The following PIH1D1 variants were observed in gnomAD, a reference collection of about 807,000 sequenced individuals.
The protein encoded by PIH1D1 is PIH1 domain containing 1, also known as PIH1 domain-containing protein 1.
A neutral mutation model predicts 38.5 loss-of-function variants in PIH1D1; 28 were observed. That is an observed-to-expected ratio of 0.73 (90% CI 0.54 to 1.00). The LOEUF (loss-of-function observed/expected upper bound fraction) is 1.00, where lower values mean the gene tolerates loss of function less well. Among genes scored for constraint, PIH1D1 ranks in the 50% least tolerant of loss-of-function variants. The pLI, the probability that PIH1D1 is intolerant of heterozygous loss-of-function variation, is 0.00. For missense variants in PIH1D1, 343 were observed against 369.9 expected, an observed-to-expected ratio of 0.93 and a Z score of 0.60; for synonymous variants, 155 against 153.5, an observed-to-expected ratio of 1.01 and a Z score of -0.07.
At chr19:49,447,298 G>A (rs1400698753) in intron 6 of PIH1D1, 40 bp downstream of exon 6, 4 of 1,611,122 alleles carry the variant, frequency 2.5e-6, no homozygotes, top group Non-Finnish European at 8.5e-7. Flanking sequence ...TCCCAAGAGC[G>A]TTGAGGAAAC....
At chr19:49,448,200 C>T in intron 3 of PIH1D1, 138 bp from the exon 4 acceptor site, 1 of 829,300 alleles carries the variant, frequency 1.2e-6, no homozygotes, top group Non-Finnish European at 2.0e-6. Flanking sequence ...GAGCTGGGCA[C>T]TCACTTTCCG....
intron 6 of PIH1D1, 46 bp downstream of exon 6, chr19:49,447,292 A>G (rs1453776245): frequency 6.2e-7 from 1 of 1,608,672 alleles, no homozygotes; most frequent in Non-Finnish European, 8.5e-7. Context: ...AGGGATTCCC[A>G]AGAGCGTTGA....
chr19:49,450,741 C>T (rs764727312), intron 2 of PIH1D1, 41 bp downstream of exon 2: 1 of 1,521,392 alleles, frequency 6.6e-7, no homozygotes, highest in South Asian at 1.2e-5. Context: ...CTGTCCTCTC[C>T]CTGGGTCTCC....
At chr19:49,451,249 T>C in intron 1 of PIH1D1, 1 of 531,440 alleles carries the variant, frequency 1.9e-6, no homozygotes, top group South Asian at 2.1e-5. Context: ...CAGGATGGTC[T>C]CGATCTCCTG....
chr19:49,447,966 C>A lies in PIH1D1; in HGVS notation c.399+35G>T, dbSNP rs1404431419. The A allele has an allele frequency of 1.9e-6, 3 of 1,613,910 alleles. No homozygotes were observed. In the African/African-American group the frequency reaches 4.0e-5, roughly 22 times the overall value. ...GGCGGGGAGGGTAGGGGTAGAGACCCCTGCCCAGGCCTCAACCGCAGCCCC... is the reference window on the plus strand; with the variant it reads ...GGCGGGGAGGGTAGGGGTAGAGACCACTGCCCAGGCCTCAACCGCAGCCCC... On this transcript the variant is annotated intron_variant, in intron 4 of 8. Transcript: ENST00000262265.
chr19:49,446,770 C>T (rs752086446), intron 7 of PIH1D1, 76 bp from the exon 8 acceptor site: 4 of 1,414,392 alleles, frequency 2.8e-6, no homozygotes, highest in Non-Finnish European at 2.9e-6. Flanking sequence ...TAGCCTCACA[C>T]GCTGGGAAAC....
At position 49,446,428 on chromosome 19, in the gene PIH1D1, G is replaced by A. The variant is rs745539415; in HGVS notation, c.832-5C>T. On this transcript the variant is annotated splice_polypyrimidine_tract_variant and splice_region_variant and intron_variant, in intron 8 of 8. Coordinates refer to ENST00000262265, the MANE Select transcript of PIH1D1 (RefSeq NM_017916.3). The stretch of plus-strand genomic sequence containing the variant: ...CGGCATGGCCACCATTAATTGCTGA[G>A]GAGACAGAGCAAAGAGAATGAGGAT... The A allele has an allele frequency of 3.8e-6, 4 of 1,044,698 alleles. No individual in the cohort carries two copies. The highest frequency in any genetic ancestry group is 6.1e-6 in the Non-Finnish European group (4 of 659,506). 64.7% of individuals were successfully genotyped at this position (1,044,698 alleles called of 1,614,324 possible). A position where few individuals can be genotyped will look rare whatever the true frequency, so the allele number is the denominator to read the frequency against.
At chr19:49,450,691 C>CCCCCCCCA in intron 2 of PIH1D1, 91 bp downstream of exon 2, 2 of 718,202 alleles carry the variant, frequency 2.8e-6, no homozygotes, top group Non-Finnish European at 2.2e-6. Context: ...CACCCCCACC[C>CCCCCCCCA]TAGGCCTTTA....
chr19:49,449,592 A>T lies in PIH1D1; in HGVS notation c.220T>A (p.Ser74Thr). 5.0e-6 allele frequency: 8 copies of T among 1,614,120 alleles called. No homozygotes were observed. The highest frequency in any genetic ancestry group is 6.8e-6 in the Non-Finnish European group (8 of 1,180,014). The change falls in exon 3 of 9, where the codon TCT becomes ACT. Residue 74 changes from serine (S) to threonine (T), a missense_variant. Ser to Thr is a moderately conservative substitution (Grantham distance 58, BLOSUM62 1). Transcript: ENST00000262265. ...KVFINICHSPSIPPPADVTEE... is the reference protein window; with the variant it reads ...KVFINICHSPTIPPPADVTEE... ...GTCACGTCGGCGGGAGGAGGGATAG[A>T]GGGGGAGTGGCAGATGTTGATGAAA...
intron 6 of PIH1D1, 73 bp downstream of exon 6, chr19:49,447,265 T>G (rs765762083): frequency 3.8e-6 from 6 of 1,583,242 alleles, no homozygotes; most frequent in Non-Finnish European, 5.2e-6. Flanking sequence ...CATCACCCAG[T>G]GTGGGAGGAT....
At chr19:49,446,823 G>A in intron 7 of PIH1D1, 129 bp from the exon 8 acceptor site, 1 of 1,167,904 alleles carries the variant, frequency 8.6e-7, no homozygotes, top group Non-Finnish European at 1.2e-6. Flanking sequence ...ACAGAAGACA[G>A]CAATTACAAG....
At chr19:49,451,229 C>G (rs2079057640) in intron 1 of PIH1D1, 1 of 490,872 alleles carries the variant, frequency 2.0e-6, no homozygotes, top group African/African-American at 2.0e-5. Context: ...CGGGGTTTCA[C>G]CGTGTTAGCC....
intron 5 of PIH1D1, 84 bp from the exon 6 acceptor site, chr19:49,447,551 C>A (rs753239209): frequency 6.6e-7 from 1 of 1,523,462 alleles, no homozygotes; most frequent in Non-Finnish European, 8.9e-7. Flanking sequence ...TAGGCTCCAC[C>A]GGCTCACCAG....
At chr19:49,449,679 C>T (rs1373432775) in intron 2 of PIH1D1, 25 bp from the exon 3 acceptor site, 1 of 1,593,652 alleles carries the variant, frequency 6.3e-7, no homozygotes, top group East Asian at 2.2e-5. Context: ...TTAGTCATGA[C>T]AATCCTTTTC....
chr19:49,451,025 C>CT (rs10616213), intron 1 of PIH1D1, 177 bp from the exon 2 acceptor site: 9,885 of 547,414 alleles, frequency 0.018, 13 homozygotes, highest in East Asian at 0.036. Flanking sequence ...ATTCCCATTT[C>CT]TTTTTTTTTT....
chr19:49,447,187 T>C, intron 6 of PIH1D1, 88 bp from the exon 7 acceptor site: 9 of 1,476,092 alleles, frequency 6.1e-6, no homozygotes. Context: ...CCAGCCCTAT[T>C]GGCCTCAGGA....
intron 3 of PIH1D1, chr19:49,449,154 AAAG>A: frequency 6.9e-6 from 3 of 437,146 alleles, no homozygotes; most frequent in Non-Finnish European, 1.3e-5. Context: ...AGAAAAAAAA[AAAG>A]AAAGAAAGAA....
rs1334543886 is a variant in PIH1D1 at position 49,449,499 on chromosome 19, C to T, written c.313G>A (p.Glu105Lys). 1 of 1,614,058 alleles carries T rather than the reference C, an allele frequency of 6.2e-7. No individual in the cohort carries two copies. The highest frequency in any genetic ancestry group is 1.3e-5 in the African/African-American group (1 of 74,940). Residue 105 changes from glutamate (E) to lysine (K), a missense_variant, in exon 3 of 9, where the codon GAG becomes AAG. Glu to Lys is a moderately conservative substitution (Grantham distance 56). Transcript: ENST00000262265. ...AGFRIPMSLGEPHAELDAKGQ... is the reference protein window; with the variant it reads ...AGFRIPMSLGKPHAELDAKGQ... ...CTTGCATCCAGTTCTGCATGAGGCTCTCCCAGACTCATGGGGATGCGAAAC... is the reference window on the plus strand; with the variant it reads ...CTTGCATCCAGTTCTGCATGAGGCTTTCCCAGACTCATGGGGATGCGAAAC...
intron 2 of PIH1D1, among the ~76,000 whole-genome samples, chr19:49,450,080 T>C (rs917646348): frequency 1.3e-5 from 2 of 150,548 alleles, no homozygotes; most frequent in African/African-American, 4.9e-5. Flanking sequence ...CGGCCCCCTC[T>C]CTTCTTTGTT....
Sources: allele counts gnomAD v4.1 joint callset (sites outside exome capture counted in the v4.1 genomes callset), GRCh38; gene constraint gnomAD v4.1.1; transcripts MANE v1.5; gene names NCBI Gene and HGNC (gene_info 2026-07-23, HGNC 2026-07-21).